PHACTR1: variants seen among roughly 807,000 people sequenced by gnomAD.
The protein encoded by PHACTR1 is RPEL repeat containing 1.
A neutral mutation model predicts 69.2 loss-of-function variants in PHACTR1; 16 were observed. That is an observed-to-expected ratio of 0.23 (90% CI 0.16 to 0.35). The LOEUF is 0.35. PHACTR1 is among the 10% of genes least tolerant of loss of function. The pLI is 1.00. For missense variants in PHACTR1, 510 were observed against 734.7 expected (o/e 0.69, Z 3.54); for synonymous variants, 312 against 284.5 (o/e 1.10, Z -0.97).
At chr6:12,908,756 G>A (rs1217706212) in intron 4 of PHACTR1, among the ~76,000 whole-genome samples, 3 of 152,292 alleles carry the variant, frequency 2.0e-5, no homozygotes, top group East Asian at 1.9e-4. Context: ...CAGGTCAGCC[G>A]GGTGCTGGAT....
intron 5 of PHACTR1, among the ~76,000 whole-genome samples, chr6:13,154,437 C>A (rs923125996): frequency 6.6e-6 from 1 of 152,140 alleles, no homozygotes; most frequent in African/African-American, 2.4e-5. Flanking sequence ...AGATTATAAG[C>A]TTGAGCCATC....
At chr6:12,799,979 A>G (rs1773509190) in intron 4 of PHACTR1, among the ~76,000 whole-genome samples, 1 of 152,202 alleles carries the variant, frequency 6.6e-6, no homozygotes, top group African/African-American at 2.4e-5. Context: ...TAATTTTTCC[A>G]TCAACACTGT....
At chr6:12,718,052 T>C (rs1017173340) in intron 2 of PHACTR1, among the ~76,000 whole-genome samples, 1 of 152,156 alleles carries the variant, frequency 6.6e-6, no homozygotes, top group Non-Finnish European at 1.5e-5. Flanking sequence ...AATATAGGGA[T>C]CACTGTAATG....
In PHACTR1 at chr6:13,285,020, G is replaced by A. The variant is rs936115348; in HGVS notation, c.1651-1126G>A. Among the ~76,000 whole-genome samples, 3 of 152,208 alleles carry A rather than the reference G, an allele frequency of 2.0e-5. No homozygotes were observed. In the East Asian group the frequency reaches 5.8e-4, roughly 29 times the overall value. Reference sequence around the variant, plus strand: ...CTGACAGACAAACCCAGCTCCCCAGGAGTGTGTCATCTAAATACGAAGAGG... The same window carrying A: ...CTGACAGACAAACCCAGCTCCCCAGAAGTGTGTCATCTAAATACGAAGAGG... On this transcript the variant is annotated intron_variant, in intron 13 of 14. Transcript: ENST00000332995.
chr6:13,119,637 G>A (rs1241908106), intron 5 of PHACTR1, among the ~76,000 whole-genome samples: 1 of 152,168 alleles, frequency 6.6e-6, no homozygotes, highest in African/African-American at 2.4e-5. Context: ...TTCCTACTGA[G>A]GAGGAGGTTC....
chr6:12,882,708 A>G (rs929516160), intron 4 of PHACTR1, among the ~76,000 whole-genome samples: 3 of 152,172 alleles, frequency 2.0e-5, no homozygotes, highest in Non-Finnish European at 4.4e-5. Context: ...AGCAAACCCT[A>G]TCGCCCTTCT....
chr6:12,727,103 A>G (rs952666329), intron 3 of PHACTR1, among the ~76,000 whole-genome samples: 8 of 152,174 alleles, frequency 5.3e-5, no homozygotes, highest in African/African-American at 1.9e-4. Flanking sequence ...GGCACTTCAC[A>G]CACAACTGAC....
At chr6:12,761,334 C>T (rs1243737474) in intron 4 of PHACTR1, among the ~76,000 whole-genome samples, 1 of 152,194 alleles carries the variant, frequency 6.6e-6, no homozygotes, top group African/African-American at 2.4e-5. Context: ...GCCAAAAACT[C>T]AATACAGCCT....
intron 10 of PHACTR1, among the ~76,000 whole-genome samples, chr6:13,255,479 C>T (rs1372160157): frequency 2.0e-5 from 3 of 152,206 alleles, no homozygotes; most frequent in African/African-American, 7.2e-5. Flanking sequence ...CCAGTCTTCA[C>T]TCATTCCAAC....
chr6:13,175,111 A>T (rs991415384), intron 6 of PHACTR1, among the ~76,000 whole-genome samples: 1 of 152,218 alleles, frequency 6.6e-6, no homozygotes, highest in African/African-American at 2.4e-5. Context: ...CTTTACTTAC[A>T]AGTTTTTAAA....
rs869092852 is a variant in PHACTR1 at position 13,195,757 on chromosome 6, C to CAAAAAAAAAAAAAAAAA, written c.665-10051_665-10035dup. On this transcript the variant is annotated intron_variant, in intron 7 of 14. Transcript: ENST00000332995. ...TGGGCGACAGAGAGAGACACCGTCT[C>CAAAAAAAAAAAAAAAAA]AAAAAAAAAAAAAAAAAAAAAAAGT... 4.8e-3 allele frequency among the ~76,000 whole-genome samples: 199 copies of CAAAAAAAAAAAAAAAAA among 41,460 alleles called. 39 individuals carry two copies. The highest frequency in any genetic ancestry group is 0.011 in the African/African-American group (128 of 11,584). The allele number at this position is 41,460 out of a possible 152,430, so 27.2% of individuals were successfully genotyped here.
intron 4 of PHACTR1, among the ~76,000 whole-genome samples, chr6:12,782,892 A>G (rs565518985): frequency 6.6e-6 from 1 of 152,312 alleles, no homozygotes; most frequent in African/African-American, 2.4e-5. Context: ...GCCACTGGAA[A>G]CTCAGTTGGG....
rs58847683 is a variant in PHACTR1, at chr6:13,284,517, C to CA, written c.1650+982dup. The stretch of plus-strand genomic sequence containing the variant: ...GGATGACAACAGTGAAACTCCATCT[C>CA]AAAAAAAAAAAAAAAAAAAAAAAAA... On this transcript the variant is annotated intron_variant, in intron 13 of 14. Transcript: ENST00000332995. Among the ~76,000 whole-genome samples the CA allele has an allele frequency of 2.8e-3, 112 of 40,022 alleles. 6 individuals are homozygous for CA. The highest frequency in any genetic ancestry group is 7.3e-3 in the South Asian group (5 of 684). 26.3% of individuals were successfully genotyped at this position (40,022 alleles called of 152,430 possible).
intron 4 of PHACTR1, among the ~76,000 whole-genome samples, chr6:13,004,841 A>T (rs7762867): frequency 6.6e-6 from 1 of 152,164 alleles, no homozygotes; most frequent in Non-Finnish European, 1.5e-5. Flanking sequence ...ACTTCCTCTC[A>T]CCAGCTTTTT....
At position 12,895,177 on chromosome 6, in the gene PHACTR1, C is replaced by CTT. The variant is rs139510433; in HGVS notation, c.250+145407_250+145408dup. ...CTGATATTGTGACTCTTTCTTTTTTCTTTTTTTTTTTTTTTTTTTTTGAGA... is the reference window on the plus strand; with the variant it reads ...CTGATATTGTGACTCTTTCTTTTTTCTTTTTTTTTTTTTTTTTTTTTTTGAGA... On this transcript the variant is annotated intron_variant, in intron 4 of 14. Coordinates refer to ENST00000332995, the MANE Select transcript of PHACTR1 (RefSeq NM_030948.6). Among the ~76,000 whole-genome samples the CTT allele has an allele frequency of 2.4e-4, 21 of 88,274 alleles. 1 individual carries two copies. The highest frequency in any genetic ancestry group is 6.8e-4 in the East Asian group (2 of 2,954). 57.9% of individuals were successfully genotyped at this position (88,274 alleles called of 152,430 possible). A position where few individuals can be genotyped will look rare whatever the true frequency, so the allele number is the denominator to read the frequency against.
In PHACTR1 at chr6:13,287,674, G is replaced by C. The variant is rs963346104; in HGVS notation, c.*596G>C. 6.5e-6 allele frequency: 1 copy of C among 152,756 alleles called. No individual in the cohort carries two copies. Among genetic ancestry groups the C allele is most frequent in the Non-Finnish European group, 1.5e-5 (1 of 68,476 alleles). The allele number at this position is 152,756 out of a possible 1,614,324, so 9.5% of individuals were successfully genotyped here. On this transcript the variant is annotated 3_prime_UTR_variant, in exon 15 of 15. Transcript: ENST00000332995. Reference sequence around the variant, plus strand: ...CCACCACCCACACAATGAACAAAAGGGAAGGGCCCATTTCTGGGGGAGTCT... The same window carrying C: ...CCACCACCCACACAATGAACAAAAGCGAAGGGCCCATTTCTGGGGGAGTCT...
At chr6:12,752,077 G>A (rs1463570967) in intron 4 of PHACTR1, among the ~76,000 whole-genome samples, 1 of 152,160 alleles carries the variant, frequency 6.6e-6, no homozygotes, top group Admixed American at 6.5e-5. Context: ...CACGCCTACT[G>A]CTCCGCTGCT....
intron 10 of PHACTR1, among the ~76,000 whole-genome samples, chr6:13,271,905 C>T (rs2127447400): frequency 6.6e-6 from 1 of 152,234 alleles, no homozygotes; most frequent in East Asian, 1.9e-4. Context: ...GCAACTTCCT[C>T]AACTAGGAGA....
intron 4 of PHACTR1, among the ~76,000 whole-genome samples, chr6:12,787,379 C>T (rs933404671): frequency 6.6e-6 from 1 of 152,184 alleles, no homozygotes; most frequent in African/African-American, 2.4e-5. Flanking sequence ...AAAATACTCC[C>T]ATAGAAAAAG....
Sources: gnomAD v4.1 joint callset for allele counts (sites outside exome capture counted in the v4.1 genomes callset) on GRCh38, gnomAD v4.1.1 for gene constraint, MANE v1.5 for transcripts, NCBI Gene and HGNC (gene_info 2026-07-23, HGNC 2026-07-21) for gene names.